The following NUMA1 variants were observed in gnomAD, a reference collection of about 807,000 sequenced individuals.
The protein encoded by NUMA1 is nuclear mitotic apparatus protein 1, also known as SP-H antigen.
In NUMA1, 62 loss-of-function variants were observed where a neutral mutation model predicts 237.1. The ratio of observed to expected loss-of-function variants is 0.26; its 90% confidence interval spans 0.21 to 0.32. NUMA1 has a LOEUF of 0.32. Ranked by LOEUF, NUMA1 falls within the 10% of genes least tolerant of loss-of-function variation. The pLI is 1.00. For synonymous variants in NUMA1, 1,028 were observed against 1,066.1 expected (o/e 0.96, Z 0.70); for missense variants, 2,533 against 2,666.5 (o/e 0.95, Z 1.10).
Position 72,014,010 on chromosome 11 carries a change from C to G in NUMA1, c.3493G>C (p.Glu1165Gln), listed in dbSNP as rs371146539. The G allele has an allele frequency of 6.2e-7, 1 of 1,612,064 alleles. No homozygotes were observed. Among genetic ancestry groups the G allele is most frequent in the African/African-American group, 1.3e-5 (1 of 74,936 alleles). The change falls in exon 15 of 27, where the codon GAG becomes CAG. Residue 1165 changes from glutamate (E) to glutamine (Q), a missense_variant. Physicochemically the swap from Glu to Gln is conservative, Grantham distance 29 (BLOSUM62 2). Around this residue, in one of 3 missense-constraint regions of NUMA1, gnomAD observed 1,414 missense variants for 1,508.1 expected, o/e 0.94. Transcript: ENST00000393695. This position sits in a 1 kb window ranked among gnomAD's most constrained non-coding sequence, Gnocchi z 4.6. ...ASRAERDSAL[E>Q]TLQGQLEEKA... ...TCCTCTAACTGGCCCTGCAGAGTCT[C>G]CAGAGCACTGTCCCGCTCAGCCCGG...
In NUMA1 at chr11:72,013,398, G is replaced by A; in HGVS notation, c.4105C>T (p.Gln1369Ter). 1 of 1,612,540 alleles carries A rather than the reference G, an allele frequency of 6.2e-7. No individual in the cohort carries two copies. Among genetic ancestry groups the A allele is most frequent in the Non-Finnish European group, 8.5e-7 (1 of 1,179,902 alleles). Residue 1369 changes from glutamine to a stop codon, truncating the protein, a stop_gained, in exon 15 of 27, where the codon CAG becomes TAG. Transcript: ENST00000393695. LOFTEE classifies it high-confidence loss of function. This position sits in a 1 kb window ranked among gnomAD's most constrained non-coding sequence, Gnocchi z 6.8. ...GCAGCGGCCTGCTCGGCCTGCAGCT[G>A]CTGGCAGAGGTGCTTAGCTGGCAGC... is the stretch of plus-strand genomic sequence containing the variant. ...ELLPAKHLCQ[Q>*]LQAEQAAAEK... is the part of the protein sequence containing the mutation.
chr11:72,046,596 A>G (rs964422695), intron 2 of NUMA1, among the ~76,000 whole-genome samples: 57 of 146,066 alleles, frequency 3.9e-4, no homozygotes, highest in African/African-American at 1.3e-3. Context: ...GGGGAGAGGG[A>G]GAGAGAGAGA....
At chr11:72,054,536 C>T (rs1310715588) in intron 2 of NUMA1, among the ~76,000 whole-genome samples, 1 of 151,880 alleles carries the variant, frequency 6.6e-6, no homozygotes, top group African/African-American at 2.4e-5. Context: ...TCACCCCTAT[C>T]AAGCAAATAC....
rs1165886699 is a variant in NUMA1, at chr11:72,013,432, C to T, written c.4071G>A (p.Val1357=). The change falls in exon 15 of 27, where the codon GTG becomes GTA. Residue 1357 remains valine, a synonymous_variant. Transcript: ENST00000393695. This position sits in a 1 kb window ranked among gnomAD's most constrained non-coding sequence, Gnocchi z 6.8. The stretch of plus-strand genomic sequence containing the variant: ...GGTGCTTAGCTGGCAGCAGCTCACT[C>T]ACCAGGGCCTGTGTGCTGGTGTGCT... ...QLEHTSTQAL[V]SELLPAKHLC... is the part of the protein sequence containing the mutation. 3 of 1,613,180 alleles carry T rather than the reference C, an allele frequency of 1.9e-6. No individual in the cohort carries two copies. The highest frequency in any genetic ancestry group is 1.1e-5 in the South Asian group (1 of 91,072).
intron 2 of NUMA1, among the ~76,000 whole-genome samples, chr11:72,051,495 A>C (rs1942359534): frequency 6.7e-6 from 1 of 149,044 alleles, no homozygotes; most frequent in African/African-American, 2.5e-5. Flanking sequence ...TTTTGAGACA[A>C]GGTCTCACTC....
At chr11:72,066,624 A>G (rs978751694) in intron 2 of NUMA1, 1 of 152,142 alleles carries the variant, frequency 6.6e-6, no homozygotes, top group African/African-American at 2.4e-5. Context: ...TTCCTTTACA[A>G]CCTGGCTCAA....
chr11:72,004,052 C>T lies in NUMA1; in HGVS notation c.6171G>A (p.Lys2057=), dbSNP rs773448986. ...SMAFSILNTP[K]KLGNSLLRRG... Reference sequence around the variant, plus strand: ...GCCGCAGAAGGCTGTTCCCTAGCTTCTTGGGTGTGTTGAGGATGCTGAAGG... The same window carrying T: ...GCCGCAGAAGGCTGTTCCCTAGCTTTTTGGGTGTGTTGAGGATGCTGAAGG... Residue 2057 remains lysine (K), a synonymous_variant, in exon 26 of 27, where the codon AAG becomes AAA. Coordinates refer to ENST00000393695, the MANE Select transcript of NUMA1 (RefSeq NM_006185.4). 2.5e-6 allele frequency: 4 copies of T among 1,613,650 alleles called. No individual in the cohort carries two copies. Among genetic ancestry groups the T allele is most frequent in the Non-Finnish European group, 3.4e-6 (4 of 1,179,816 alleles).
Position 72,006,046 on chromosome 11 carries a change from C to T in NUMA1, c.5681G>A (p.Gly1894Glu). The change falls in exon 22 of 27, where the codon GGG becomes GAG. Residue 1894 changes from glycine to glutamate, a missense_variant. By Grantham distance (98) the Gly-to-Glu change is moderately conservative. Around this residue, in one of 3 missense-constraint regions of NUMA1, gnomAD observed 795 missense variants for 750.8 expected, o/e 1.06. Transcript: ENST00000393695. ...ARRSQAGVSS[G>E]APPGRNSFYM... ...TGTAGTCCCCTCACCTGGAGGGGCC[C>T]CACTGGACACCCCGGCCTGGGAACG... is the stretch of plus-strand genomic sequence containing the variant. The T allele has an allele frequency of 1.2e-6, 2 of 1,612,178 alleles. No homozygotes were observed. Among genetic ancestry groups the T allele is most frequent in the Non-Finnish European group, 1.7e-6 (2 of 1,178,562 alleles).
At chr11:72,052,670 A>G (rs1942434158) in intron 2 of NUMA1, among the ~76,000 whole-genome samples, 1 of 152,128 alleles carries the variant, frequency 6.6e-6, no homozygotes. Flanking sequence ...AGGCTGAGGC[A>G]GGAGAATCAT....
intron 1 of NUMA1, among the ~76,000 whole-genome samples, chr11:72,073,297 A>C (rs1356292074): frequency 1.4e-5 from 2 of 147,856 alleles, no homozygotes; most frequent in Admixed American, 6.8e-5. Context: ...ACAGAGCGAG[A>C]CCCTGTCTCA....
chr11:72,019,674 A>C, intron 8 of NUMA1, 57 bp from the exon 9 acceptor site: 1 of 1,569,390 alleles, frequency 6.4e-7, no homozygotes, highest in Non-Finnish European at 8.7e-7. Flanking sequence ...AGGTGTAAAG[A>C]TTTGCACCTT....
rs1160741324 is a variant in NUMA1, at chr11:72,042,357, T to C, written c.-32-6382A>G. 2.0e-5 allele frequency among the ~76,000 whole-genome samples: 3 copies of C among 152,186 alleles called. No homozygotes were observed. The East Asian group carries it at 5.8e-4, about 29-fold the overall frequency. On this transcript the variant is annotated intron_variant, in intron 2 of 26. Transcript: ENST00000393695. ...ATTAAGCCCAGCATCCGCACTGAGG[T>C]AGGTTGTAATTCACAGGAGATAAGA...
rs567118433 is a variant in NUMA1, at chr11:72,013,056, C to T, written c.4447G>A (p.Val1483Ile). 359 of 1,614,218 alleles carry T rather than the reference C, an allele frequency of 2.2e-4. 3 individuals are homozygous for T. In the South Asian group the frequency reaches 3.5e-3, roughly 16 times the overall value. ...REKYVQELAAVRADAETRLAE... is the reference protein window; with the variant it reads ...REKYVQELAAIRADAETRLAE... ...AGACGGGTCTCAGCATCAGCACGTA[C>T]GGCTGCCAACTCTTGGACATACTTC... The change falls in exon 15 of 27, where the codon GTA becomes ATA. Residue 1483 changes from valine (V) to isoleucine (I), a missense_variant. Val to Ile is a conservative substitution (Grantham distance 29). Transcript: ENST00000393695. This position sits in a 1 kb window ranked among gnomAD's most constrained non-coding sequence, Gnocchi z 6.8.
At chr11:72,018,598 G>C in intron 10 of NUMA1, 85 bp from the exon 11 acceptor site, 1 of 1,251,696 alleles carries the variant, frequency 8.0e-7, no homozygotes, top group South Asian at 1.3e-5. Flanking sequence ...GTGCACAAGG[G>C]GAAGGGAGGA....
intron 2 of NUMA1, 75 bp from the exon 3 acceptor site, chr11:72,036,050 T>A: frequency 8.7e-7 from 1 of 1,150,948 alleles, no homozygotes; most frequent in Non-Finnish European, 1.3e-6. Flanking sequence ...GCGAAATGGT[T>A]CAATTTGCCA....
At chr11:72,018,638 A>T in intron 10 of NUMA1, 125 bp from the exon 11 acceptor site, 1 of 1,053,044 alleles carries the variant, frequency 9.5e-7, no homozygotes, top group Non-Finnish European at 1.4e-6. Context: ...GGAATATGGT[A>T]TCCAATCTAA....
Position 72,013,700 on chromosome 11 carries a change from C to G in NUMA1, c.3803G>C (p.Arg1268Thr). 1 of 1,609,598 alleles carries G rather than the reference C, an allele frequency of 6.2e-7. No homozygotes were observed. The highest frequency in any genetic ancestry group is 8.5e-7 in the Non-Finnish European group (1 of 1,179,994). ...TGTCTCTGCCTGCAGCAGGCGCAGCCTCTCCTCCAGCTTCTGGCTCTTCTC... is the reference window on the plus strand; with the variant it reads ...TGTCTCTGCCTGCAGCAGGCGCAGCGTCTCCTCCAGCTTCTGGCTCTTCTC... The part of the protein sequence containing the change: ...ESEKSQKLEE[R>T]LRLLQAETAS... The change falls in exon 15 of 27, where the codon AGG becomes ACG. Residue 1268 changes from arginine (R) to threonine (T), a missense_variant. Physicochemically the swap from Arg to Thr is moderately conservative, Grantham distance 71 (BLOSUM62 -1). Transcript: ENST00000393695. The surrounding 1 kb of genome is among the most constrained non-coding windows in gnomAD (Gnocchi z 6.8).
At chr11:72,073,026 G>A (rs1943529707) in intron 1 of NUMA1, among the ~76,000 whole-genome samples, 1 of 118,728 alleles carries the variant, frequency 8.4e-6, no homozygotes, top group Non-Finnish European at 1.6e-5. Flanking sequence ...AAGCCTGGGT[G>A]ACACAGAGCG....
chr11:72,060,704 T>A (rs1384217417), intron 2 of NUMA1, among the ~76,000 whole-genome samples: 1 of 151,906 alleles, frequency 6.6e-6, no homozygotes, highest in African/African-American at 2.4e-5. Context: ...AAAGCTCAGG[T>A]CTGGGCACAG....
Sources: allele counts gnomAD v4.1 joint callset (sites outside exome capture counted in the v4.1 genomes callset), GRCh38; gene constraint gnomAD v4.1.1; regional missense constraint gnomAD v4.1.1; non-coding constraint Gnocchi (gnomAD v3.1); transcripts MANE v1.5; gene names NCBI Gene and HGNC (gene_info 2026-07-23, HGNC 2026-07-21).